TBC1D5: variants seen among roughly 807,000 people sequenced by gnomAD.
TBC1D5 encodes TBC1 domain family member 5, also known as TBC1 domain family, member 5.
Under a neutral mutation model 100.3 loss-of-function variants are expected in TBC1D5, and 75 were observed. The ratio of observed to expected loss-of-function variants is 0.75; its 90% CI spans 0.62 to 0.91. The LOEUF (loss-of-function observed/expected upper bound fraction) is 0.91. Ranked by LOEUF, TBC1D5 falls within the 40% of genes least tolerant of loss-of-function variation. The pLI, the probability that TBC1D5 is intolerant of heterozygous loss-of-function variation, is 0.00. For synonymous variants in TBC1D5, 323 were observed against 325.6 expected (o/e 0.99, Z 0.09); for missense variants, 910 against 942.4 (o/e 0.97, Z 0.45).
chr3:17,671,634 C>G (rs1037442639), intron 1 of TBC1D5, among the ~76,000 whole-genome samples: 1 of 152,166 alleles, frequency 6.6e-6, no homozygotes, highest in East Asian at 1.9e-4. Context: ...AGGACAATTA[C>G]AAACTCCTGT....
rs189016705 is a variant in TBC1D5, at chr3:17,711,447, A to G, written c.-101+27896T>C. Among the ~76,000 whole-genome samples, 46 of 152,310 alleles carry G rather than the reference A, an allele frequency of 3.0e-4. 2 individuals carry two copies. The East Asian group carries it at 8.7e-3, about 29-fold the overall frequency. On this transcript the variant is annotated intron_variant, in intron 1 of 21. Transcript: ENST00000253692. ...CTTCAAGCTCCTGGTATATTCCTCC[A>G]TAATTCTAATCTTCTGCCCCCCTCA...
At chr3:17,541,565 T>C (rs1247543218) in intron 2 of TBC1D5, among the ~76,000 whole-genome samples, 3 of 152,242 alleles carry the variant, frequency 2.0e-5, no homozygotes, top group Non-Finnish European at 4.4e-5. Flanking sequence ...GCTGAATTCA[T>C]TCACTAGGTT....
chr3:17,535,016 A>T (rs374723082), intron 2 of TBC1D5, among the ~76,000 whole-genome samples: 3 of 152,188 alleles, frequency 2.0e-5, no homozygotes, highest in Non-Finnish European at 4.4e-5. Flanking sequence ...TAAAATGGTA[A>T]GTTTTTAATT....
chr3:17,539,645 G>T (rs2096327846), intron 2 of TBC1D5, among the ~76,000 whole-genome samples: 1 of 152,140 alleles, frequency 6.6e-6, no homozygotes, highest in South Asian at 2.1e-4. Context: ...AGAGTATAAT[G>T]GGGAATGCCT....
At chr3:17,174,925 G>T (rs2067559097) in intron 19 of TBC1D5, among the ~76,000 whole-genome samples, 1 of 152,088 alleles carries the variant, frequency 6.6e-6, no homozygotes, top group Non-Finnish European at 1.5e-5. Flanking sequence ...CAGGTAACTG[G>T]CTAAGTGACC....
intron 15 of TBC1D5, among the ~76,000 whole-genome samples, chr3:17,261,664 C>G (rs191460424): frequency 1.3e-5 from 2 of 151,960 alleles, no homozygotes; most frequent in Non-Finnish European, 1.5e-5. Context: ...TGGGACTACA[C>G]GCATGCACCA....
chr3:17,657,787 T>G (rs1237550530), intron 1 of TBC1D5, among the ~76,000 whole-genome samples: 1 of 152,202 alleles, frequency 6.6e-6, no homozygotes, highest in Non-Finnish European at 1.5e-5. Context: ...CCTATCTTAT[T>G]TCCCTTATGA....
intron 13 of TBC1D5, among the ~76,000 whole-genome samples, chr3:17,358,956 G>A (rs546182248): frequency 6.6e-6 from 1 of 151,846 alleles, no homozygotes; most frequent in African/African-American, 2.4e-5. Context: ...TTTAATAAAA[G>A]AAATTTTTAG....
chr3:17,453,762 C>A (rs1442289278), intron 3 of TBC1D5, among the ~76,000 whole-genome samples: 30 of 152,148 alleles, frequency 2.0e-4, no homozygotes, highest in Admixed American at 1.9e-3. Flanking sequence ...TACTTCCAAA[C>A]TAATTCTACA....
intron 1 of TBC1D5, among the ~76,000 whole-genome samples, chr3:17,652,591 T>C (rs1303211273): frequency 1.3e-5 from 2 of 152,174 alleles, no homozygotes; most frequent in Non-Finnish European, 2.9e-5. Context: ...GTTATCATTA[T>C]AGATGGAAAA....
intron 17 of TBC1D5, among the ~76,000 whole-genome samples, chr3:17,220,248 T>A (rs1486940807): frequency 6.6e-6 from 1 of 152,138 alleles, no homozygotes; most frequent in Admixed American, 6.6e-5. Flanking sequence ...TGCCTTAAGA[T>A]TTTAACAATT....
intron 4 of TBC1D5, 150 bp from the exon 5 acceptor site, chr3:17,406,676 GCTGT>G (rs1325542164): frequency 1.3e-5 from 8 of 608,592 alleles, no homozygotes; most frequent in African/African-American, 7.6e-5. Context: ...TGAACGCATG[GCTGT>G]CTTTTTGGAC....
chr3:17,239,516 C>T (rs2076141306), intron 16 of TBC1D5, among the ~76,000 whole-genome samples: 1 of 152,212 alleles, frequency 6.6e-6, no homozygotes, highest in South Asian at 2.1e-4. Context: ...TAAGGTGCCA[C>T]TTCTGCTTCC....
At chr3:17,711,127 T>C (rs1356729077) in intron 1 of TBC1D5, among the ~76,000 whole-genome samples, 1 of 152,188 alleles carries the variant, frequency 6.6e-6, no homozygotes, top group Non-Finnish European at 1.5e-5. Flanking sequence ...GTTTGGCGCC[T>C]GAGATGGTCG....
chr3:17,329,620 G>C (rs1317532122), intron 13 of TBC1D5, among the ~76,000 whole-genome samples: 2 of 152,160 alleles, frequency 1.3e-5, no homozygotes, highest in Admixed American at 6.5e-5. Flanking sequence ...AGTATATTTA[G>C]ACTTATTAAC....
intron 13 of TBC1D5, among the ~76,000 whole-genome samples, chr3:17,334,275 TAGAGG>T (rs1454507291): frequency 6.6e-6 from 1 of 152,136 alleles, no homozygotes. Context: ...ACCTGAAGGA[TAGAGG>T]AATCTTTTCT....
intron 16 of TBC1D5, 56 bp downstream of exon 16, chr3:17,258,450 T>G: frequency 2.0e-6 from 3 of 1,522,782 alleles, no homozygotes; most frequent in Non-Finnish European, 2.7e-6. Flanking sequence ...AATTTCCTGA[T>G]GATCTCTGAG....
intron 5 of TBC1D5, among the ~76,000 whole-genome samples, chr3:17,405,934 T>C (rs548720707): frequency 1.6e-4 from 25 of 152,212 alleles, no homozygotes; most frequent in African/African-American, 3.6e-4. Context: ...GTGGTCCTTT[T>C]CCTCTAAAGG....
chr3:17,433,775 G>C (rs945771818), intron 3 of TBC1D5, among the ~76,000 whole-genome samples: 1 of 152,078 alleles, frequency 6.6e-6, no homozygotes, highest in African/African-American at 2.4e-5. Flanking sequence ...TCTGAGAAAG[G>C]CAAGTCCCTT....
Sources: gnomAD v4.1 joint callset for allele counts (sites outside exome capture counted in the v4.1 genomes callset) on GRCh38, gnomAD v4.1.1 for gene constraint, MANE v1.5 for transcripts, NCBI Gene and HGNC (gene_info 2026-07-23, HGNC 2026-07-21) for gene names.